Variants in NRXN1 observed in about 807,000 individuals in gnomAD.
The protein encoded by NRXN1 is neurexin-1.
Under a neutral mutation model 150.9 loss-of-function variants are expected in NRXN1, and 39 were observed. The observed-to-expected ratio is 0.26, with a 90% CI of 0.20 to 0.34. NRXN1 has a LOEUF of 0.34. Among genes scored for constraint, NRXN1 ranks in the 10% least tolerant of loss-of-function variants. The pLI is 1.00. For synonymous variants in NRXN1, 924 were observed against 757.0 expected (o/e 1.22, Z -3.62); for missense variants, 1,815 against 1,949.9 (o/e 0.93, Z 1.30).
chr2:51,024,296 C>T (rs895152698), intron 2 of NRXN1, among the ~76,000 whole-genome samples: 7 of 152,126 alleles, frequency 4.6e-5, no homozygotes, highest in East Asian at 1.9e-4. Flanking sequence ...CTGAGGCTGA[C>T]GCTCAGGGTC....
At chr2:50,418,085 T>C (rs1416448083) in intron 17 of NRXN1, among the ~76,000 whole-genome samples, 1 of 151,974 alleles carries the variant, frequency 6.6e-6, no homozygotes. Flanking sequence ...TGAACCAGGG[T>C]AGAAGCTGGA....
intron 5 of NRXN1, among the ~76,000 whole-genome samples, chr2:50,765,012 T>G (rs1702227874): frequency 6.6e-6 from 1 of 152,034 alleles, no homozygotes; most frequent in African/African-American, 2.4e-5. Flanking sequence ...TAAAAGAAAC[T>G]GAACGCTTAG....
At chr2:50,841,265 T>C (rs921103606) in intron 5 of NRXN1, 38 of 152,618 alleles carry the variant, frequency 2.5e-4, no homozygotes, top group African/African-American at 8.9e-4. Flanking sequence ...CATCAGTATA[T>C]GTTAAGGACA....
chr2:50,569,358 T>G lies in NRXN1; in HGVS notation c.1321-16333A>C, dbSNP rs141584339. On this transcript the variant is annotated intron_variant, in intron 8 of 22. Transcript: ENST00000401669. ...GTGATGTATACCCCAGTTACCTTCATGTGATCATTAGGCATTGCATACCTG... is the reference window on the plus strand; with the variant it reads ...GTGATGTATACCCCAGTTACCTTCAGGTGATCATTAGGCATTGCATACCTG... Among the ~76,000 whole-genome samples, 30 of 152,218 alleles carry G rather than the reference T, an allele frequency of 2.0e-4. No individual in the cohort carries two copies. In the East Asian group the frequency reaches 5.6e-3, roughly 28 times the overall value.
At chr2:50,488,760 C>T (rs2091050527) in intron 15 of NRXN1, among the ~76,000 whole-genome samples, 1 of 152,138 alleles carries the variant, frequency 6.6e-6, no homozygotes, top group Non-Finnish European at 1.5e-5. Flanking sequence ...CTAGGAAAAC[C>T]CTGAAGATTT....
intron 18 of NRXN1, among the ~76,000 whole-genome samples, chr2:50,222,357 A>C (rs2063962746): frequency 6.6e-6 from 1 of 152,024 alleles, no homozygotes; most frequent in South Asian, 2.1e-4. Context: ...CACCAGAAAG[A>C]AAATCATTCT....
chr2:50,467,215 A>G (rs2088982938), intron 16 of NRXN1, among the ~76,000 whole-genome samples: 5 of 151,720 alleles, frequency 3.3e-5, no homozygotes, highest in Admixed American at 3.3e-4. Flanking sequence ...CACTTTCACA[A>G]GTATTTTCAA....
At position 50,116,511 on chromosome 2, in the gene NRXN1, G is replaced by A. The variant is rs557527326; in HGVS notation, c.3547-25017C>T. Among the ~76,000 whole-genome samples, 7 of 152,126 alleles carry A rather than the reference G, an allele frequency of 4.6e-5. No homozygotes were observed. In the South Asian group the frequency reaches 8.3e-4, roughly 18 times the overall value. ...ATTTCCTGAACTCTCTGGAAATGTC[G>A]ATGGGGTCAGCTCTCTGCTTAAAAA... On this transcript the variant is annotated intron_variant, in intron 18 of 22. Transcript: ENST00000401669.
chr2:50,410,059 C>A lies in NRXN1; in HGVS notation c.3364+55383G>T, dbSNP rs987206125. Among the ~76,000 whole-genome samples the A allele has an allele frequency of 4.6e-5, 7 of 152,116 alleles. 1 individual carries two copies. The highest frequency in any genetic ancestry group is 3.3e-4 in the Admixed American group (5 of 15,262). ...TGACCTTTTTGTCCTGTGTCCTTCCCATCAGTGCCTGATCTGACATGCCCC... is the reference window on the plus strand; with the variant it reads ...TGACCTTTTTGTCCTGTGTCCTTCCAATCAGTGCCTGATCTGACATGCCCC... On this transcript the variant is annotated intron_variant, in intron 17 of 22. Transcript: ENST00000401669.
At chr2:50,734,080 G>A (rs1698430428) in intron 5 of NRXN1, among the ~76,000 whole-genome samples, 1 of 152,044 alleles carries the variant, frequency 6.6e-6, no homozygotes, top group Non-Finnish European at 1.5e-5. Flanking sequence ...AGACAATTTT[G>A]GTTGTCACAA....
At chr2:50,193,226 C>G (rs1299647728) in intron 18 of NRXN1, among the ~76,000 whole-genome samples, 1 of 152,084 alleles carries the variant, frequency 6.6e-6, no homozygotes, top group Admixed American at 6.6e-5. Flanking sequence ...GCAGCAGTCA[C>G]ATAGCACTGA....
At chr2:49,996,043 G>T (rs1201906144) in intron 21 of NRXN1, among the ~76,000 whole-genome samples, 2 of 151,932 alleles carry the variant, frequency 1.3e-5, no homozygotes, top group Non-Finnish European at 2.9e-5. Flanking sequence ...AGTGGGATGG[G>T]GTGAGTATGA....
chr2:50,374,441 A>G (rs956026930), intron 17 of NRXN1, among the ~76,000 whole-genome samples: 16 of 152,102 alleles, frequency 1.1e-4, no homozygotes, highest in African/African-American at 3.9e-4. Flanking sequence ...TAAAGCACCA[A>G]AATCTCACAC....
chr2:50,611,985 T>C (rs1342269878), intron 8 of NRXN1, among the ~76,000 whole-genome samples: 1 of 152,168 alleles, frequency 6.6e-6, no homozygotes, highest in Non-Finnish European at 1.5e-5. Flanking sequence ...TCCCTAAAGG[T>C]TCCTACGAAG....
At chr2:50,114,230 T>C (rs554860845) in intron 18 of NRXN1, among the ~76,000 whole-genome samples, 8 of 152,194 alleles carry the variant, frequency 5.3e-5, no homozygotes, top group African/African-American at 1.9e-4. Flanking sequence ...AAATGAGATA[T>C]ACAAATGGCA....
chr2:50,617,411 G>A (rs1236146546), intron 8 of NRXN1, among the ~76,000 whole-genome samples: 1 of 151,088 alleles, frequency 6.6e-6, no homozygotes, highest in South Asian at 2.1e-4. Flanking sequence ...ACTCCCCTGG[G>A]GAACAGAGCA....
At chr2:50,922,557 T>G in intron 4 of NRXN1, 101 bp downstream of exon 4, 1 of 1,041,278 alleles carries the variant, frequency 9.6e-7, no homozygotes, top group Non-Finnish European at 1.5e-6. Flanking sequence ...TGCAGCCATA[T>G]AATTTGCAAG....
chr2:50,395,720 C>A (rs967912167), intron 17 of NRXN1, among the ~76,000 whole-genome samples: 1 of 152,124 alleles, frequency 6.6e-6, no homozygotes, highest in Admixed American at 6.6e-5. Context: ...GTTCCTGTGA[C>A]AACTCCATGA....
chr2:50,863,529 C>T (rs557300884), intron 5 of NRXN1, among the ~76,000 whole-genome samples: 2 of 152,078 alleles, frequency 1.3e-5, no homozygotes, highest in South Asian at 2.1e-4. Flanking sequence ...TCCCCTTTCA[C>T]ACCCCATAGC....
Sources: allele counts gnomAD v4.1 joint callset (sites outside exome capture counted in the v4.1 genomes callset), GRCh38; gene constraint gnomAD v4.1.1; transcripts MANE v1.5; gene names NCBI Gene and HGNC (gene_info 2026-07-23, HGNC 2026-07-21).